The following GRM8 variants were observed in gnomAD, a reference collection of about 807,000 sequenced individuals.
GRM8 encodes metabotropic glutamate receptor 8.
In GRM8, 47 loss-of-function variants were observed where a neutral mutation model predicts 87.2. The ratio of observed to expected loss-of-function variants is 0.54; its 90% CI spans 0.43 to 0.69. The LOEUF is 0.69. Ranked by LOEUF, GRM8 falls within the 30% of genes least tolerant of loss-of-function variation. The pLI, the probability that GRM8 is intolerant of heterozygous loss-of-function variation, is 0.00. For synonymous variants in GRM8, 396 were observed against 404.5 expected, an observed-to-expected ratio of 0.98 and a Z score of 0.25; for missense variants, 1,019 against 1,139.2, an observed-to-expected ratio of 0.89 and a Z score of 1.52.
chr7:126,812,955 C>T (rs112235210), intron 6 of GRM8, among the ~76,000 whole-genome samples: 40 of 152,084 alleles, frequency 2.6e-4, no homozygotes, highest in African/African-American at 8.9e-4. Context: ...CATAGCTTTG[C>T]TATTGTGAAT....
At chr7:127,206,554 G>GCTACATCTC (rs3831578) in intron 2 of GRM8, among the ~76,000 whole-genome samples, 22,849 of 152,070 alleles carry the variant, frequency 0.15, 2,148 homozygotes, top group Non-Finnish European at 0.2. Context: ...CTTTTCCACA[G>GCTACATCTC]CTACATCTCC....
chr7:127,203,033 C>G (rs974314970), intron 2 of GRM8, among the ~76,000 whole-genome samples: 5 of 152,168 alleles, frequency 3.3e-5, no homozygotes, highest in Non-Finnish European at 7.3e-5. Context: ...AGGCCAAATG[C>G]TACATACCAA....
At chr7:126,782,191 C>G (rs1820150657) in intron 6 of GRM8, among the ~76,000 whole-genome samples, 1 of 152,186 alleles carries the variant, frequency 6.6e-6, no homozygotes, top group Admixed American at 6.5e-5. Flanking sequence ...GGTTTGTATA[C>G]TGTATTGCCA....
At chr7:127,198,172 T>A (rs1795391774) in intron 2 of GRM8, among the ~76,000 whole-genome samples, 1 of 152,238 alleles carries the variant, frequency 6.6e-6, no homozygotes, top group African/African-American at 2.4e-5. Flanking sequence ...ATCATGGTAA[T>A]TGGGATATCC....
chr7:126,630,395 C>A (rs1801142154), intron 7 of GRM8, among the ~76,000 whole-genome samples: 1 of 151,968 alleles, frequency 6.6e-6, no homozygotes, highest in Non-Finnish European at 1.5e-5. Context: ...AATAGGCTAC[C>A]AACCACAAAA....
At chr7:127,200,736 C>T (rs1350436522) in intron 2 of GRM8, among the ~76,000 whole-genome samples, 1 of 152,162 alleles carries the variant, frequency 6.6e-6, no homozygotes, top group Non-Finnish European at 1.5e-5. Context: ...TGTGTGTTTT[C>T]TCTTCTTATA....
At chr7:127,206,735 A>G (rs142320975) in intron 2 of GRM8, among the ~76,000 whole-genome samples, 14 of 152,324 alleles carry the variant, frequency 9.2e-5, no homozygotes, top group Non-Finnish European at 1.5e-4. Context: ...TGTTCTGCAG[A>G]CTCACAGTAA....
At chr7:127,091,267 T>G (rs1372535487) in intron 3 of GRM8, among the ~76,000 whole-genome samples, 1 of 151,994 alleles carries the variant, frequency 6.6e-6, no homozygotes. Flanking sequence ...GGACAATTCC[T>G]GTCATACCCC....
intron 6 of GRM8, among the ~76,000 whole-genome samples, chr7:126,828,453 G>A (rs576325260): frequency 5.0e-4 from 76 of 152,262 alleles, no homozygotes; most frequent in African/African-American, 1.8e-3. Context: ...GGGTGTATCT[G>A]TCGAGGAATT....
chr7:126,479,270 A>G (rs1262638562), intron 9 of GRM8, among the ~76,000 whole-genome samples: 1 of 152,088 alleles, frequency 6.6e-6, no homozygotes, highest in Non-Finnish European at 1.5e-5. Flanking sequence ...GTATCCACTT[A>G]AAGTACACAA....
At chr7:126,933,596 T>C (rs1376127820) in intron 3 of GRM8, among the ~76,000 whole-genome samples, 2 of 152,170 alleles carry the variant, frequency 1.3e-5, no homozygotes, top group Non-Finnish European at 2.9e-5. Context: ...GCTGATAATG[T>C]AGGAGGACAG....
chr7:126,564,192 T>C (rs971504571), intron 8 of GRM8, among the ~76,000 whole-genome samples: 4 of 152,194 alleles, frequency 2.6e-5, no homozygotes, highest in Admixed American at 2.0e-4. Flanking sequence ...CTAGCAAAAG[T>C]GTTTTAATTG....
chr7:126,751,988 G>A (rs1046074061), intron 7 of GRM8, among the ~76,000 whole-genome samples: 4 of 152,250 alleles, frequency 2.6e-5, no homozygotes, highest in East Asian at 1.9e-4. Context: ...TTTTAGCCAG[G>A]TGATGACTCC....
At chr7:127,009,576 G>A (rs1460123815) in intron 3 of GRM8, among the ~76,000 whole-genome samples, 1 of 152,056 alleles carries the variant, frequency 6.6e-6, no homozygotes, top group Non-Finnish European at 1.5e-5. Flanking sequence ...GAAAATGGAA[G>A]CTTCACTCTA....
At chr7:126,540,987 A>G (rs563540347) in intron 8 of GRM8, among the ~76,000 whole-genome samples, 7 of 152,368 alleles carry the variant, frequency 4.6e-5, no homozygotes, top group Admixed American at 3.9e-4. Flanking sequence ...AGTGGTTTTA[A>G]GACTCAGTCC....
chr7:127,143,163 G>T (rs189605383), intron 2 of GRM8, among the ~76,000 whole-genome samples: 5 of 152,092 alleles, frequency 3.3e-5, no homozygotes, highest in Admixed American at 2.0e-4. Flanking sequence ...CTTTAATTTT[G>T]CCTTTTTCCT....
intron 2 of GRM8, among the ~76,000 whole-genome samples, chr7:127,111,572 T>A (rs535685744): frequency 2.0e-4 from 31 of 152,174 alleles, no homozygotes; most frequent in Non-Finnish European, 3.8e-4. Context: ...CCATTAGCCA[T>A]CTTAGGCTAT....
chr7:127,140,086 T>C (rs1413414814), intron 2 of GRM8, among the ~76,000 whole-genome samples: 1 of 152,184 alleles, frequency 6.6e-6, no homozygotes, highest in Non-Finnish European at 1.5e-5. Context: ...AACTAATTTA[T>C]GTGCACCCAG....
chr7:127,223,914 TAA>T lies in GRM8; in HGVS notation c.510+18779_510+18780del, dbSNP rs71177597. Among the ~76,000 whole-genome samples, 567 of 133,748 alleles carry T rather than the reference TAA, an allele frequency of 4.2e-3. 2 individuals carry two copies. The highest frequency in any genetic ancestry group is 9.2e-3 in the African/African-American group (331 of 35,894). The allele number at this position is 133,748 out of a possible 152,430, so 87.7% of individuals were successfully genotyped here. ...ACTGAAATATATTATAAATGAAATGTAAAAAAAAAAAAAAAAACTCAATGGAT... is the reference window on the plus strand; with the variant it reads ...ACTGAAATATATTATAAATGAAATGTAAAAAAAAAAAAAAACTCAATGGAT... On this transcript the variant is annotated intron_variant, in intron 2 of 10. Transcript: ENST00000339582.
Sources: allele counts gnomAD v4.1 joint callset (sites outside exome capture counted in the v4.1 genomes callset), GRCh38; gene constraint gnomAD v4.1.1; transcripts MANE v1.5; gene names NCBI Gene and HGNC (gene_info 2026-07-23, HGNC 2026-07-21).